The following OTOGL variants were observed in gnomAD, a reference collection of about 807,000 sequenced individuals.
The protein encoded by OTOGL is otogelin-like protein.
A neutral mutation model predicts 318.5 loss-of-function variants in OTOGL; 285 were observed. The ratio of observed to expected loss-of-function variants is 0.89; its 90% CI spans 0.81 to 0.99. OTOGL has a LOEUF of 0.99. OTOGL is among the 50% of genes least tolerant of loss of function. The pLI, the probability that OTOGL is intolerant of heterozygous loss-of-function variation, is 0.00. For synonymous variants in OTOGL, 987 were observed against 936.5 expected, an observed-to-expected ratio of 1.05 and a Z score of -0.99; for missense variants, 2,899 against 2,845.6, an observed-to-expected ratio of 1.02 and a Z score of -0.43.
intron 26 of OTOGL, among the ~76,000 whole-genome samples, chr12:80,280,337 T>C (rs1476943776): frequency 1.3e-5 from 2 of 152,088 alleles, no homozygotes; most frequent in Non-Finnish European, 2.9e-5. Flanking sequence ...TTGTTGCAAT[T>C]GCTTTAGGTG....
At chr12:80,210,475 G>A (rs1048532977) in intron 2 of OTOGL, among the ~76,000 whole-genome samples, 5 of 152,094 alleles carry the variant, frequency 3.3e-5, no homozygotes, top group African/African-American at 1.2e-4. Context: ...CTTGAGAGCT[G>A]AGGAGACTTT....
At chr12:80,328,980 C>G in intron 36 of OTOGL, 71 bp from the exon 37 acceptor site, 2 of 1,355,128 alleles carry the variant, frequency 1.5e-6, no homozygotes, top group Non-Finnish European at 2.0e-6. Context: ...GCTAAAGAGT[C>G]CTCTATGAAA....
chr12:80,342,305 T>G (rs1888832504), intron 44 of OTOGL, 143 bp downstream of exon 44: 2 of 625,974 alleles, frequency 3.2e-6, no homozygotes, highest in Non-Finnish European at 5.4e-6. Context: ...GAATTCAGAA[T>G]CACTTATTGT....
chr12:80,209,779 T>G (rs1241808887), intron 2 of OTOGL, among the ~76,000 whole-genome samples: 1 of 152,254 alleles, frequency 6.6e-6, no homozygotes, highest in East Asian at 1.9e-4. Context: ...AGTTTTCATT[T>G]CTTGAATCTT....
At chr12:80,279,268 A>C in intron 26 of OTOGL, 102 bp downstream of exon 26, 1 of 1,151,356 alleles carries the variant, frequency 8.7e-7, no homozygotes, top group Non-Finnish European at 1.2e-6. Flanking sequence ...GTTATTTATA[A>C]AACCTATAAA....
rs573951271 is a variant in OTOGL at position 80,341,954 on chromosome 12, G to A, written c.5057G>A (p.Cys1686Tyr). 3.1e-6 allele frequency: 5 copies of A among 1,597,778 alleles called. No homozygotes were observed. Among genetic ancestry groups the A allele is most frequent in the Non-Finnish European group, 4.3e-6 (5 of 1,169,468 alleles). ...TGTCATATATTCTTTCAAGGAATTT[G>A]CAATGAAGATCCGGATGATGATCTA... ...SSYTEGLCGI[C>Y]NEDPDDDLRM... is the part of the protein sequence containing the mutation. The change falls in exon 44 of 59, where the codon TGC becomes TAC. Residue 1686 changes from cysteine to tyrosine, a missense_variant. By Grantham distance (194) the Cys-to-Tyr change is radical. This residue lies in a region of OTOGL where 2,607 missense variants were observed against 2,524.9 expected (regional missense o/e 1.03). Transcript: ENST00000547103.
intron 1 of OTOGL, among the ~76,000 whole-genome samples, chr12:80,121,307 A>G (rs1340753430): frequency 6.6e-6 from 1 of 152,182 alleles, no homozygotes; most frequent in Non-Finnish European, 1.5e-5. Flanking sequence ...AACGATTTCT[A>G]TGTGTATGCA....
chr12:80,275,505 G>A (rs1361406714), intron 24 of OTOGL, among the ~76,000 whole-genome samples: 1 of 151,950 alleles, frequency 6.6e-6, no homozygotes, highest in Non-Finnish European at 1.5e-5. Context: ...TGAAGATGCT[G>A]TGAACATTGT....
At chr12:80,256,287 GGC>G in intron 16 of OTOGL, 48 bp from the exon 17 acceptor site, 1 of 1,538,338 alleles carries the variant, frequency 6.5e-7, no homozygotes, top group Non-Finnish European at 8.8e-7. Context: ...CTCTTTCTAT[GGC>G]TCTCTCTCTC....
intron 24 of OTOGL, among the ~76,000 whole-genome samples, chr12:80,274,657 C>T (rs577057078): frequency 1.3e-5 from 2 of 152,120 alleles, no homozygotes; most frequent in African/African-American, 4.8e-5. Context: ...GAATAAAGTG[C>T]CATCTAGGAC....
At chr12:80,297,042 C>T in intron 27 of OTOGL, 81 bp downstream of exon 27, 1 of 1,266,952 alleles carries the variant, frequency 7.9e-7, no homozygotes, top group Non-Finnish European at 1.0e-6. Flanking sequence ...TTGGTCTACT[C>T]CTCTCTGTAA....
At chr12:80,110,536 A>G (rs1592459786) in intron 1 of OTOGL, among the ~76,000 whole-genome samples, 2 of 150,518 alleles carry the variant, frequency 1.3e-5, no homozygotes, top group African/African-American at 4.9e-5. Context: ...GTTTGCTGAG[A>G]ATGATGGTTT....
rs1891285784 is a variant in OTOGL, at chr12:80,378,294, T to C, written c.*246T>C. ...GTTGTTCAGCTGAAATGCTGTTATG[T>C]ATTTAATTACAACTTGGTGCAGATA... On this transcript the variant is annotated 3_prime_UTR_variant, in exon 59 of 59. Transcript: ENST00000547103. 1 of 377,250 alleles carries C rather than the reference T, an allele frequency of 2.7e-6. No homozygotes were observed. Among genetic ancestry groups the C allele is most frequent in the African/African-American group, 2.0e-5 (1 of 48,976 alleles). 23.4% of individuals were successfully genotyped at this position (377,250 alleles called of 1,614,324 possible).
At chr12:80,307,788 G>A (rs1411349731) in intron 29 of OTOGL, among the ~76,000 whole-genome samples, 1 of 135,910 alleles carries the variant, frequency 7.4e-6, no homozygotes, top group Admixed American at 7.1e-5. Flanking sequence ...CCGGGCAGAG[G>A]GGCTCCTCAC....
intron 32 of OTOGL, among the ~76,000 whole-genome samples, chr12:80,317,042 A>T (rs1332396872): frequency 1.3e-5 from 2 of 152,176 alleles, no homozygotes; most frequent in African/African-American, 4.8e-5. Flanking sequence ...TATTTCAATA[A>T]TCTTTAGCAC....
At position 80,336,811 on chromosome 12, in the gene OTOGL, A is replaced by G; in HGVS notation, c.4758A>G (p.Leu1586=). 6.5e-7 allele frequency: 1 copy of G among 1,528,804 alleles called. No individual in the cohort carries two copies. Among genetic ancestry groups the G allele is most frequent in the South Asian group, 1.2e-5 (1 of 82,924 alleles). 94.7% of individuals were successfully genotyped at this position (1,528,804 alleles called of 1,614,324 possible). A position where few individuals can be genotyped will look rare whatever the true frequency, so the allele number is the denominator to read the frequency against. ...TTTTTTTCCAGAATGGAAACTCCTT[A>G]AAAAAGCTAGTGAGTATTTGCAAAG... ...KCSMNQNGNS[L]KKLAPSGRIS... The change falls in exon 41 of 59, where the codon TTA becomes TTG. Residue 1586 remains leucine (L), a synonymous_variant. Transcript: ENST00000547103.
intron 26 of OTOGL, among the ~76,000 whole-genome samples, chr12:80,280,801 C>T (rs952619863): frequency 1.3e-5 from 2 of 151,660 alleles, no homozygotes; most frequent in Non-Finnish European, 3.0e-5. Context: ...GCCATTTTAA[C>T]AATATCGATT....
At chr12:80,358,529 C>T in intron 50 of OTOGL, 142 bp from the exon 51 acceptor site, 1 of 813,042 alleles carries the variant, frequency 1.2e-6, no homozygotes. Context: ...TTCACCAACA[C>T]ATGGCAATCT....
At position 80,253,494 on chromosome 12, in the gene OTOGL, C is replaced by G. The variant is rs1476930898; in HGVS notation, c.1314C>G (p.Ile438Met). ...TCGTAATGGACAATGGGACTTGCAT[C>G]TCCTTGGAAAATTGCCCATGCGGTT... ...DGLVMDNGTCISLENCPCGFH... is the reference protein window; with the variant it reads ...DGLVMDNGTCMSLENCPCGFH... Residue 438 changes from isoleucine (I) to methionine (M), a missense_variant, in exon 14 of 59, where the codon ATC (isoleucine) becomes ATG (methionine). Around this residue, in one of 3 missense-constraint regions of OTOGL, gnomAD observed 2,607 missense variants for 2,524.9 expected, o/e 1.03. Transcript: ENST00000547103. The G allele has an allele frequency of 1.1e-5, 18 of 1,613,268 alleles. No individual in the cohort carries two copies. Among genetic ancestry groups the G allele is most frequent in the Non-Finnish European group, 1.5e-5 (18 of 1,179,360 alleles).
Sources: gnomAD v4.1 joint callset for allele counts (sites outside exome capture counted in the v4.1 genomes callset) on GRCh38, gnomAD v4.1.1 for gene constraint, gnomAD v4.1.1 regional missense constraint, MANE v1.5 for transcripts, NCBI Gene and HGNC (gene_info 2026-07-23, HGNC 2026-07-21) for gene names.